IGSF21: variants seen among roughly 807,000 people sequenced by gnomAD.
The protein encoded by IGSF21 is immunoglobulin superfamily member 21.
In IGSF21, 28 loss-of-function variants were observed where a neutral mutation model predicts 46.8. That is an observed-to-expected ratio of 0.60 (90% CI 0.44 to 0.82). The LOEUF is 0.82. Ranked by LOEUF, IGSF21 falls within the 40% of genes least tolerant of loss-of-function variation. The pLI is 0.00. For missense variants in IGSF21, 624 were observed against 665.5 expected, an observed-to-expected ratio of 0.94 and a Z score of 0.69; for synonymous variants, 284 against 273.6, an observed-to-expected ratio of 1.04 and a Z score of -0.38.
intron 2 of IGSF21, among the ~76,000 whole-genome samples, chr1:18,287,164 G>T (rs1197409472): frequency 7.3e-6 from 1 of 137,508 alleles, no homozygotes; most frequent in African/African-American, 2.7e-5. Flanking sequence ...CTGGGCGACA[G>T]AGCGAGACTC....
chr1:18,318,492 G>A (rs999905364), intron 3 of IGSF21, among the ~76,000 whole-genome samples: 7 of 151,002 alleles, frequency 4.6e-5, no homozygotes, highest in Non-Finnish European at 7.4e-5. Context: ...GTGTGTGTGC[G>A]TGCGTTTGGC....
intron 1 of IGSF21, among the ~76,000 whole-genome samples, chr1:18,168,440 G>A (rs1318223420): frequency 6.6e-6 from 1 of 152,104 alleles, no homozygotes; most frequent in African/African-American, 2.4e-5. Context: ...GAGTTTCTCA[G>A]CAGCACAGAA....
At chr1:18,233,972 T>C (rs1229776331) in intron 2 of IGSF21, among the ~76,000 whole-genome samples, 1 of 152,078 alleles carries the variant, frequency 6.6e-6, no homozygotes, top group East Asian at 1.9e-4. Context: ...AAACTGAAAA[T>C]GATGATCCTA....
intron 1 of IGSF21, among the ~76,000 whole-genome samples, chr1:18,135,113 G>A (rs985179687): frequency 2.0e-5 from 3 of 152,190 alleles, no homozygotes. Context: ...AAGCTGGGGA[G>A]AGAAAATCAC....
chr1:18,214,240 A>T (rs1175234168), intron 1 of IGSF21, among the ~76,000 whole-genome samples: 1 of 152,180 alleles, frequency 6.6e-6, no homozygotes. Flanking sequence ...GGAATATTTC[A>T]AAAGAGCCCG....
At chr1:18,275,780 C>A (rs2085094607) in intron 2 of IGSF21, among the ~76,000 whole-genome samples, 1 of 152,126 alleles carries the variant, frequency 6.6e-6, no homozygotes, top group Admixed American at 6.5e-5. Context: ...CGGCCAAAGT[C>A]TTTATTCCCC....
chr1:18,183,874 T>A (rs1441682031), intron 1 of IGSF21, among the ~76,000 whole-genome samples: 1 of 152,080 alleles, frequency 6.6e-6, no homozygotes, highest in East Asian at 1.9e-4. Flanking sequence ...GCAAGCCTAT[T>A]CCAAGCCATT....
chr1:18,197,570 A>T (rs190661997), intron 1 of IGSF21, among the ~76,000 whole-genome samples: 1 of 152,334 alleles, frequency 6.6e-6, no homozygotes. Flanking sequence ...GGCAGCAGAA[A>T]CTTGCCTGGT....
chr1:18,371,090 G>A (rs1259710428), intron 6 of IGSF21, among the ~76,000 whole-genome samples: 4 of 152,088 alleles, frequency 2.6e-5, no homozygotes, highest in Non-Finnish European at 5.9e-5. Context: ...CAAGAGAAAT[G>A]AAAACATATG....
chr1:18,108,906 T>C (rs955657342), intron 1 of IGSF21, among the ~76,000 whole-genome samples: 1 of 151,260 alleles, frequency 6.6e-6, no homozygotes, highest in African/African-American at 2.4e-5. Context: ...GGAGTGTGTG[T>C]ATGCGTGCCA....
chr1:18,350,211 C>T (rs1377599465), intron 4 of IGSF21, among the ~76,000 whole-genome samples: 2 of 152,182 alleles, frequency 1.3e-5, no homozygotes, highest in African/African-American at 2.4e-5. Context: ...ATATGGGGAG[C>T]CCATGGCCAG....
At chr1:18,192,721 T>C (rs1473978396) in intron 1 of IGSF21, among the ~76,000 whole-genome samples, 2 of 152,136 alleles carry the variant, frequency 1.3e-5, no homozygotes, top group Admixed American at 1.3e-4. Flanking sequence ...ATGAATTATC[T>C]TGGTGGACAA....
intron 5 of IGSF21, among the ~76,000 whole-genome samples, chr1:18,362,792 G>A (rs550627159): frequency 6.6e-6 from 1 of 152,166 alleles, no homozygotes; most frequent in Non-Finnish European, 1.5e-5. Context: ...ACCCAACATA[G>A]TTTCTTTGAT....
chr1:18,156,859 A>G (rs1397988663), intron 1 of IGSF21, among the ~76,000 whole-genome samples: 2 of 152,156 alleles, frequency 1.3e-5, no homozygotes, highest in African/African-American at 2.4e-5. Flanking sequence ...CGTCAAAAAG[A>G]CATTCAGACT....
rs913630562 is a variant in IGSF21 at position 18,350,656 on chromosome 1, C to CA, written c.425-11450dup. 7.9e-4 allele frequency among the ~76,000 whole-genome samples: 119 copies of CA among 151,398 alleles called. 3 individuals carry two copies. Among genetic ancestry groups the CA allele is most frequent in the South Asian group, 1.3e-3 (6 of 4,784 alleles). Reference sequence around the variant, plus strand: ...GGAAAAAAAATGCATCCCCCTCCCACAAAAAAAAATACCCCTCCCACAAAA... The same window carrying CA: ...GGAAAAAAAATGCATCCCCCTCCCACAAAAAAAAAATACCCCTCCCACAAAA... On this transcript the variant is annotated intron_variant, in intron 4 of 9. Coordinates refer to ENST00000251296, the MANE Select transcript of IGSF21 (RefSeq NM_032880.5).
intron 1 of IGSF21, among the ~76,000 whole-genome samples, chr1:18,204,763 G>C (rs1315543918): frequency 6.6e-6 from 1 of 152,176 alleles, no homozygotes; most frequent in African/African-American, 2.4e-5. Flanking sequence ...CCTGAGAATG[G>C]ATCACATTCA....
Position 18,183,375 on chromosome 1 carries a change from T to C in IGSF21, c.71-44523T>C, listed in dbSNP as rs550254812. 3.1e-3 allele frequency among the ~76,000 whole-genome samples: 476 copies of C among 152,338 alleles called. 2 individuals are homozygous for C. Among genetic ancestry groups the C allele is most frequent in the African/African-American group, 0.011 (447 of 41,572 alleles). On this transcript the variant is annotated intron_variant, in intron 1 of 9. Transcript: ENST00000251296. ...CTGTGAATGGGTGAATTTTATTTTA[T>C]GTAAATTAAACCTCAAGGTAGCTGG...
At chr1:18,310,461 T>C (rs1418166691) in intron 3 of IGSF21, among the ~76,000 whole-genome samples, 2 of 152,244 alleles carry the variant, frequency 1.3e-5, no homozygotes, top group Non-Finnish European at 2.9e-5. Context: ...AGTACTCCAC[T>C]GCGTGGACCT....
At chr1:18,147,721 T>C (rs1340298336) in intron 1 of IGSF21, among the ~76,000 whole-genome samples, 1 of 152,220 alleles carries the variant, frequency 6.6e-6, no homozygotes, top group Non-Finnish European at 1.5e-5. Flanking sequence ...GGTTTGCATA[T>C]ACATAACTTA....
Sources: gnomAD v4.1 joint callset for allele counts (sites outside exome capture counted in the v4.1 genomes callset) on GRCh38, gnomAD v4.1.1 for gene constraint, MANE v1.5 for transcripts, NCBI Gene and HGNC (gene_info 2026-07-23, HGNC 2026-07-21) for gene names.